ATF7: variants seen among roughly 807,000 people sequenced by gnomAD.
ATF7 encodes activating transcription factor 7, also known as cyclic AMP-dependent transcription factor ATF-7.
ATF7 carries 10 observed loss-of-function variants against 50.4 expected under a neutral mutation model. That is an observed-to-expected ratio of 0.20 (90% CI 0.12 to 0.34). The LOEUF (loss-of-function observed/expected upper bound fraction) is 0.34. Ranked by LOEUF, ATF7 falls within the 10% of genes least tolerant of loss-of-function variation. The pLI, the probability that ATF7 is intolerant of heterozygous loss-of-function variation, is 1.00. For missense variants in ATF7, 465 were observed against 613.9 expected, an observed-to-expected ratio of 0.76 and a Z score of 2.56; for synonymous variants, 201 against 226.4, an observed-to-expected ratio of 0.89 and a Z score of 1.01.
chr12:53,621,602 T>C (rs1029477804), intron 1 of ATF7, among the ~76,000 whole-genome samples: 8 of 151,450 alleles, frequency 5.3e-5, no homozygotes, highest in African/African-American at 9.7e-5. Context: ...GCCAACATGG[T>C]GAAACCCCGT....
Position 53,545,711 on chromosome 12 carries a change from T to C in ATF7, c.146-2263A>G, listed in dbSNP as rs149228654. On this transcript the variant is annotated intron_variant, in intron 3 of 11. Transcript: ENST00000420353. Reference sequence around the variant, plus strand: ...CATGCATACACTTGTAGCATGCATATGTTTGGGGGAGGGGAGGGATAGGAA... The same window carrying C: ...CATGCATACACTTGTAGCATGCATACGTTTGGGGGAGGGGAGGGATAGGAA... Among the ~76,000 whole-genome samples the C allele has an allele frequency of 8.1e-3, 1,235 of 152,228 alleles. 14 individuals are homozygous for C. The highest frequency in any genetic ancestry group is 0.013 in the Non-Finnish European group (910 of 68,008).
chr12:53,595,007 A>C (rs1191989509), intron 2 of ATF7, among the ~76,000 whole-genome samples: 1 of 152,230 alleles, frequency 6.6e-6, no homozygotes, highest in Admixed American at 6.5e-5. Flanking sequence ...AAGTTACTGC[A>C]AAGTCAACAT....
At chr12:53,533,362 G>C (rs1276119983) in intron 6 of ATF7, 103 bp from the exon 7 acceptor site, 11 of 923,714 alleles carry the variant, frequency 1.2e-5, no homozygotes, top group African/African-American at 9.8e-5. Context: ...AGTTAGGGAA[G>C]GTATAGGGCA....
At chr12:53,575,132 G>T (rs1292710855) in intron 2 of ATF7, among the ~76,000 whole-genome samples, 1 of 151,974 alleles carries the variant, frequency 6.6e-6, no homozygotes, top group Non-Finnish European at 1.5e-5. Context: ...ACTAGGCTGG[G>T]TGTGGTGGCT....
At chr12:53,538,793 A>T (rs1939369732) in intron 4 of ATF7, among the ~76,000 whole-genome samples, 1 of 152,152 alleles carries the variant, frequency 6.6e-6, no homozygotes, top group Non-Finnish European at 1.5e-5. Flanking sequence ...AATTAAAGAT[A>T]ATGTGATATC....
intron 2 of ATF7, among the ~76,000 whole-genome samples, chr12:53,592,604 A>G (rs926058323): frequency 4.0e-4 from 61 of 152,218 alleles, no homozygotes; most frequent in Non-Finnish European, 6.6e-4. Flanking sequence ...AAAGAAAACT[A>G]GGCTTGACAG....
Position 53,513,669 on chromosome 12 carries a change from G to A in ATF7, c.*3468C>T, listed in dbSNP as rs1944200284. ...AAAATTAATGATTTGGGGATGGGAAGGAAGTTATGAAAAAAGGAGAAAACT... is the reference window on the plus strand; with the variant it reads ...AAAATTAATGATTTGGGGATGGGAAAGAAGTTATGAAAAAAGGAGAAAACT... On this transcript the variant is annotated 3_prime_UTR_variant, in exon 12 of 12. Coordinates refer to ENST00000420353, the MANE Select transcript of ATF7 (RefSeq NM_006856.3). 6.6e-6 allele frequency: 1 copy of A among 152,174 alleles called. No individual in the cohort carries two copies. The highest frequency in any genetic ancestry group is 6.5e-5 in the Admixed American group (1 of 15,274). 9.4% of individuals were successfully genotyped at this position (152,174 alleles called of 1,614,324 possible).
At chr12:53,551,403 C>T (rs1940344342) in intron 3 of ATF7, among the ~76,000 whole-genome samples, 1 of 152,168 alleles carries the variant, frequency 6.6e-6, no homozygotes, top group African/African-American at 2.4e-5. Flanking sequence ...CTCAAGCAAT[C>T]CTCCTGCCTT....
intron 4 of ATF7, among the ~76,000 whole-genome samples, chr12:53,537,991 A>C (rs12582499): frequency 0.11 from 16,802 of 152,092 alleles, 1,697 homozygotes; most frequent in African/African-American, 0.25. Context: ...GGATTACAGG[A>C]ATGAGCCACT....
At position 53,613,041 on chromosome 12, in the gene ATF7, A is replaced by T. The variant is rs919004275; in HGVS notation, c.-21-12020T>A. ...AGGCAAGTGAGGCCAATGCATTTTT[A>T]AAAAATTTCCCAATGATAGCTATTT... On this transcript the variant is annotated intron_variant, in intron 1 of 11. Transcript: ENST00000420353. Among the ~76,000 whole-genome samples the T allele has an allele frequency of 7.0e-4, 106 of 152,158 alleles. 1 individual carries two copies. Among genetic ancestry groups the T allele is most frequent in the Admixed American group, 6.4e-3 (98 of 15,272 alleles).
intron 3 of ATF7, among the ~76,000 whole-genome samples, chr12:53,551,263 T>C (rs995284890): frequency 2.0e-5 from 3 of 152,182 alleles, no homozygotes; most frequent in Non-Finnish European, 4.4e-5. Context: ...GGGCTCAAGC[T>C]ATCTTCCCAC....
At chr12:53,534,264 G>A (rs576623326) in intron 6 of ATF7, among the ~76,000 whole-genome samples, 11 of 152,122 alleles carry the variant, frequency 7.2e-5, no homozygotes, top group East Asian at 1.9e-4. Flanking sequence ...GCGACAGAGC[G>A]AGCCTCTATC....
chr12:53,610,107 G>A (rs976033498), intron 1 of ATF7, among the ~76,000 whole-genome samples: 2 of 151,488 alleles, frequency 1.3e-5, no homozygotes, highest in Admixed American at 6.6e-5. Context: ...GTGAGCCACC[G>A]TGCCCGGATT....
chr12:53,625,719 C>G (rs1257380095), intron 1 of ATF7, among the ~76,000 whole-genome samples: 1 of 152,164 alleles, frequency 6.6e-6, no homozygotes, highest in African/African-American at 2.4e-5. Flanking sequence ...AGATCAAGAT[C>G]TTTGTTCTCA....
intron 9 of ATF7, among the ~76,000 whole-genome samples, chr12:53,528,994 C>T (rs1938676011): frequency 6.6e-6 from 1 of 151,720 alleles, no homozygotes; most frequent in African/African-American, 2.4e-5. Context: ...AATCGCAGCA[C>T]TTTGGGAGGC....
At chr12:53,518,183 G>A (rs1485279754) in intron 11 of ATF7, among the ~76,000 whole-genome samples, 1 of 152,202 alleles carries the variant, frequency 6.6e-6, no homozygotes, top group Non-Finnish European at 1.5e-5. Flanking sequence ...TATTTTTAAT[G>A]TTCCTTTACC....
chr12:53,528,232 G>T (rs900129143), intron 9 of ATF7, among the ~76,000 whole-genome samples: 1 of 152,138 alleles, frequency 6.6e-6, no homozygotes, highest in African/African-American at 2.4e-5. Flanking sequence ...ATGAACTAGA[G>T]GCCTTGGTTC....
intron 1 of ATF7, among the ~76,000 whole-genome samples, chr12:53,603,623 C>T (rs1943489131): frequency 6.6e-6 from 1 of 151,792 alleles, no homozygotes; most frequent in Non-Finnish European, 1.5e-5. Context: ...AATCTCTTGC[C>T]TCTTGTCGTT....
At chr12:53,577,086 T>G (rs1275344300) in intron 2 of ATF7, among the ~76,000 whole-genome samples, 1 of 151,958 alleles carries the variant, frequency 6.6e-6, no homozygotes, top group African/African-American at 2.4e-5. Context: ...AGAATGCCTA[T>G]GATGGGCTCA....
Sources: gnomAD v4.1 joint callset for allele counts (sites outside exome capture counted in the v4.1 genomes callset) on GRCh38, gnomAD v4.1.1 for gene constraint, MANE v1.5 for transcripts, NCBI Gene and HGNC (gene_info 2026-07-23, HGNC 2026-07-21) for gene names.